GSDMD: variants seen among roughly 807,000 people sequenced by gnomAD.
GSDMD encodes gasdermin-D.
Under a neutral mutation model 46.7 loss-of-function variants are expected in GSDMD, and 46 were observed. The observed-to-expected ratio is 0.99, with a 90% CI of 0.78 to 1.26. The LOEUF is 1.26. GSDMD is among the 50% of genes most tolerant of loss of function. The probability of loss-of-function intolerance (pLI) is 0.00; values close to 1 mark genes in which losing one functional copy is unlikely to be tolerated. For missense variants in GSDMD, 649 were observed against 638.8 expected, an observed-to-expected ratio of 1.02 and a Z score of -0.17; for synonymous variants, 307 against 283.1, an observed-to-expected ratio of 1.08 and a Z score of -0.85.
chr8:143,554,242 G>A (rs1423604250), upstream of GSDMD, among the ~76,000 whole-genome samples: 1 of 152,272 alleles, frequency 6.6e-6, no homozygotes, highest in African/African-American at 2.4e-5. Context: ...TGCACACACA[G>A]GAACACAGAG....
intron 3 of GSDMD, 70 bp from the exon 4 acceptor site, chr8:143,560,533 G>C: frequency 6.8e-7 from 1 of 1,466,066 alleles, no homozygotes; most frequent in Non-Finnish European, 9.2e-7. Context: ...CGGTGGCGTG[G>C]GGCTGTCAGG....
chr8:143,562,872 C>T lies in GSDMD; in HGVS notation c.1423C>T (p.Leu475=). ...RMCALYASLA[L]LSGLSQEPH ...GTGTGCACTCTACGCCTCCCTGGCACTGCTATCAGGACTGAGCCAGGAGCC... is the reference window on the plus strand; with the variant it reads ...GTGTGCACTCTACGCCTCCCTGGCATTGCTATCAGGACTGAGCCAGGAGCC... The change falls in exon 11 of 11, where the codon CTG becomes TTG. Residue 475 remains leucine (L), a synonymous_variant. Transcript: ENST00000262580. 6.2e-7 allele frequency: 1 copy of T among 1,612,350 alleles called. No individual in the cohort carries two copies.
upstream of GSDMD, chr8:143,557,999 A>C (rs1289016692): frequency 2.5e-6 from 1 of 399,010 alleles, no homozygotes; most frequent in South Asian, 1.9e-5. Context: ...GGTTCAAGCG[A>C]TTCTCTTGCC....
chr8:143,560,928 CCGGCACCCGGCCCGCACCCGCACCCCA>C (rs1563906362), intron 4 of GSDMD, 47 bp from the exon 5 acceptor site: 1 of 1,503,944 alleles, frequency 6.6e-7, no homozygotes, highest in Admixed American at 1.9e-5. Context: ...GGGCCTGCCC[CCGGCACCCGGCCCGCACCCGCACCCCA>C]CGGCCCGGTG....
upstream of GSDMD, among the ~76,000 whole-genome samples, chr8:143,556,406 G>A (rs1252695511): frequency 6.6e-6 from 1 of 152,178 alleles, no homozygotes; most frequent in Admixed American, 6.5e-5. Flanking sequence ...TTTGCCAGGT[G>A]TGGTGCTGAG....
At chr8:143,553,919 C>G (rs1347434475), upstream of GSDMD, among the ~76,000 whole-genome samples, 3 of 146,808 alleles carry the variant, frequency 2.0e-5, no homozygotes, top group South Asian at 2.2e-4. Context: ...ACCCCATTCC[C>G]CCAACAAGGC....
chr8:143,557,144 T>C (rs1823312811), upstream of GSDMD, among the ~76,000 whole-genome samples: 1 of 152,260 alleles, frequency 6.6e-6, no homozygotes, highest in Admixed American at 6.5e-5. Flanking sequence ...TCCAAGTCTG[T>C]GTCGCCCGTC....
At position 143,560,999 on chromosome 8, in the gene GSDMD, C is replaced by A. The variant is rs1545536; in HGVS notation, c.580-3C>A. The A allele has an allele frequency of 6.2e-7, 1 of 1,612,166 alleles. No homozygotes were observed. Among genetic ancestry groups the A allele is most frequent in the Non-Finnish European group, 8.5e-7 (1 of 1,179,558 alleles). On this transcript the variant is annotated splice_polypyrimidine_tract_variant and splice_region_variant and intron_variant, in intron 4 of 10. Transcript: ENST00000262580. ...CAGCCCCGAGCCCATCTCCATGCCT[C>A]AGGGTGAGGGCCAGGGCCATCTGAG... is the stretch of plus-strand genomic sequence containing the variant.
At chr8:143,560,812 G>A in intron 4 of GSDMD, 41 bp downstream of exon 4, 1 of 1,482,206 alleles carries the variant, frequency 6.7e-7, no homozygotes, top group Non-Finnish European at 8.9e-7. Context: ...CCCCCACGTG[G>A]GCATGCGGCG....
rs1823446724 is a variant in GSDMD at position 143,561,035 on chromosome 8, A to T, written c.613A>T (p.Thr205Ser). The T allele has an allele frequency of 6.2e-7, 1 of 1,613,010 alleles. No individual in the cohort carries two copies. Among genetic ancestry groups the T allele is most frequent in the South Asian group, 1.1e-5 (1 of 91,088 alleles). Residue 205 changes from threonine to serine, a missense_variant, in exon 5 of 11, where the codon ACG becomes TCG. Coordinates refer to ENST00000262580, the MANE Select transcript of GSDMD (RefSeq NM_024736.7). ...EGQGHLSQKKTVTIPSGSTLA... is the reference protein window; with the variant it reads ...EGQGHLSQKKSVTIPSGSTLA... The stretch of plus-strand genomic sequence containing the variant: ...CCAGGGCCATCTGAGCCAGAAGAAG[A>T]CGGTCACCATCCCCTCAGGCAGCAC...
intron 4 of GSDMD, 83 bp downstream of exon 4, chr8:143,560,854 C>A (rs770226575): frequency 2.1e-4 from 304 of 1,440,994 alleles, no homozygotes; most frequent in Middle Eastern, 2.2e-4. Flanking sequence ...CTGGGCTCCG[C>A]CAAGGCCCCT....
chr8:143,556,753 C>A (rs972041553), upstream of GSDMD, among the ~76,000 whole-genome samples: 2 of 152,166 alleles, frequency 1.3e-5, no homozygotes, highest in East Asian at 1.9e-4. Flanking sequence ...CTGGGCCCAC[C>A]ATGACTTAGG....
Position 143,562,938 on chromosome 8 carries a change from C to A in GSDMD, c.*34C>A. On this transcript the variant is annotated 3_prime_UTR_variant, in exon 11 of 11. Coordinates refer to ENST00000262580, the MANE Select transcript of GSDMD (RefSeq NM_024736.7). Reference sequence around the variant, plus strand: ...CGGGCATGGCCTGGCAGCTCTCCAGCAGGGCAGAGTGTTTGCCCACCAGCT... The same window carrying A: ...CGGGCATGGCCTGGCAGCTCTCCAGAAGGGCAGAGTGTTTGCCCACCAGCT... The A allele has an allele frequency of 6.2e-7, 1 of 1,610,022 alleles. No homozygotes were observed. Among genetic ancestry groups the A allele is most frequent in the East Asian group, 2.2e-5 (1 of 44,836 alleles).
chr8:143,561,567 G>A lies in GSDMD; in HGVS notation c.736+144G>A. 6.4e-6 allele frequency: 6 copies of A among 941,670 alleles called. No homozygotes were observed. In the South Asian group the frequency reaches 9.4e-5, roughly 15 times the overall value. 58.3% of individuals were successfully genotyped at this position (941,670 alleles called of 1,614,324 possible). ...GTGGGCACCCCCCATACACACACAAGGGGCAACACAGGACAGCTGACCCTG... is the reference window on the plus strand; with the variant it reads ...GTGGGCACCCCCCATACACACACAAAGGGCAACACAGGACAGCTGACCCTG... On this transcript the variant is annotated intron_variant, in intron 6 of 10. Transcript: ENST00000262580.
chr8:143,562,942 G>T lies in GSDMD; in HGVS notation c.*38G>T. On this transcript the variant is annotated 3_prime_UTR_variant, in exon 11 of 11. Coordinates refer to ENST00000262580, the MANE Select transcript of GSDMD (RefSeq NM_024736.7). ...CATGGCCTGGCAGCTCTCCAGCAGG[G>T]CAGAGTGTTTGCCCACCAGCTGCTA... 1.2e-6 allele frequency: 2 copies of T among 1,609,420 alleles called. No homozygotes were observed. Among genetic ancestry groups the T allele is most frequent in the Non-Finnish European group, 1.7e-6 (2 of 1,179,498 alleles).
rs758082787 is a variant in GSDMD at position 143,562,113 on chromosome 8, G to C, written c.978G>C (p.Leu326=). ...GGGTGCTGCGGGACCAGCTGGCCCT[G>C]CGAGCCTTGGAGGAGGCGGTGAGCG... ...LEGVLRDQLA[L]RALEEALEQG... Residue 326 remains leucine (L), a synonymous_variant, in exon 8 of 11, where the codon CTG becomes CTC. Coordinates refer to ENST00000262580, the MANE Select transcript of GSDMD (RefSeq NM_024736.7). The C allele has an allele frequency of 3.1e-6, 5 of 1,597,746 alleles. No homozygotes were observed. Among genetic ancestry groups the C allele is most frequent in the Non-Finnish European group, 4.2e-6 (5 of 1,178,160 alleles).
In GSDMD at chr8:143,559,364, G is replaced by T; in HGVS notation, c.29G>T (p.Arg10Leu). Residue 10 changes from arginine (R) to leucine (L), a missense_variant, in exon 2 of 11, where the codon CGG (arginine) becomes CTG (leucine). Physicochemically the swap from Arg to Leu is moderately radical, Grantham distance 102. Coordinates refer to ENST00000262580, the MANE Select transcript of GSDMD (RefSeq NM_024736.7). ...GGGTCGGCCTTTGAGCGGGTAGTCC[G>T]GAGAGTGGTCCAGGAGCTGGACCAT... The part of the protein sequence containing the change: MGSAFERVV[R>L]RVVQELDHGG... 6.2e-7 allele frequency: 1 copy of T among 1,604,702 alleles called. No homozygotes were observed. The highest frequency in any genetic ancestry group is 8.5e-7 in the Non-Finnish European group (1 of 1,175,442).
chr8:143,562,153 G>C (rs1823478622), intron 8 of GSDMD, 22 bp downstream of exon 8: 2 of 1,597,322 alleles, frequency 1.3e-6, no homozygotes, highest in Admixed American at 3.3e-5. Flanking sequence ...AGGGTGCCCG[G>C]GGCACACAAG....
rs1823359916 is a variant in GSDMD at position 143,558,378 on chromosome 8, C to T, written c.-78C>T. ...CACTTTTAGCTCTGGGCACCTCCAGCTCCTGCTCGCCGGACGGCTCCCAGG... is the reference window on the plus strand; with the variant it reads ...CACTTTTAGCTCTGGGCACCTCCAGTTCCTGCTCGCCGGACGGCTCCCAGG... On this transcript the variant is annotated 5_prime_UTR_variant, in exon 1 of 11. Coordinates refer to ENST00000262580, the MANE Select transcript of GSDMD (RefSeq NM_024736.7). 15 of 1,519,648 alleles carry T rather than the reference C, an allele frequency of 9.9e-6. No homozygotes were observed. The highest frequency in any genetic ancestry group is 1.4e-5 in the African/African-American group (1 of 70,898). The allele number at this position is 1,519,648 out of a possible 1,614,324, so 94.1% of individuals were successfully genotyped here.
Sources: gnomAD v4.1 joint callset for allele counts (sites outside exome capture counted in the v4.1 genomes callset) on GRCh38, gnomAD v4.1.1 for gene constraint, MANE v1.5 for transcripts, NCBI Gene and HGNC (gene_info 2026-07-23, HGNC 2026-07-21) for gene names.